Variants in HS6ST3 observed in about 807,000 individuals in gnomAD.
The protein encoded by HS6ST3 is heparan sulfate 6-O-sulfotransferase 3.
Under a neutral mutation model 36.7 loss-of-function variants are expected in HS6ST3, and 12 were observed. The ratio of observed to expected loss-of-function variants is 0.33; its 90% CI spans 0.21 to 0.53. The LOEUF is 0.53. Among genes scored for constraint, HS6ST3 ranks in the 20% least tolerant of loss-of-function variants. HS6ST3 has a pLI of 0.95. For missense variants in HS6ST3, 584 were observed against 640.9 expected, an observed-to-expected ratio of 0.91 and a Z score of 0.96; for synonymous variants, 240 against 257.5, an observed-to-expected ratio of 0.93 and a Z score of 0.65.
chr13:96,475,225 C>T (rs1223278285), intron 1 of HS6ST3, among the ~76,000 whole-genome samples: 1 of 152,130 alleles, frequency 6.6e-6, no homozygotes, highest in African/African-American at 2.4e-5. Flanking sequence ...TTCTACCTTT[C>T]TCGTTTTGGA....
intron 1 of HS6ST3, among the ~76,000 whole-genome samples, chr13:96,645,889 C>T (rs759343852): frequency 2.6e-4 from 40 of 151,794 alleles, no homozygotes; most frequent in Non-Finnish European, 4.4e-4. Flanking sequence ...GCATATTTTC[C>T]CTCTAGTTCT....
intron 1 of HS6ST3, among the ~76,000 whole-genome samples, chr13:96,589,447 T>G (rs912927376): frequency 6.6e-6 from 1 of 152,122 alleles, no homozygotes; most frequent in Non-Finnish European, 1.5e-5. Context: ...ACAGCTAAAC[T>G]TTTTATCTGT....
At chr13:96,094,743 G>A (rs553052612) in intron 1 of HS6ST3, among the ~76,000 whole-genome samples, 1 of 152,134 alleles carries the variant, frequency 6.6e-6, no homozygotes, top group Non-Finnish European at 1.5e-5. Context: ...GCAGGACCCC[G>A]GGCTGGTGGT....
At chr13:96,660,290 T>G (rs1321592427) in intron 1 of HS6ST3, among the ~76,000 whole-genome samples, 1 of 152,118 alleles carries the variant, frequency 6.6e-6, no homozygotes, top group African/African-American at 2.4e-5. Context: ...ATTTTAAAAA[T>G]AATACATACT....
At chr13:96,554,924 C>G (rs761019581) in intron 1 of HS6ST3, among the ~76,000 whole-genome samples, 1 of 151,732 alleles carries the variant, frequency 6.6e-6, no homozygotes, top group Non-Finnish European at 1.5e-5. Context: ...ACAAAACATA[C>G]AAAAAATTAA....
intron 1 of HS6ST3, among the ~76,000 whole-genome samples, chr13:96,435,875 A>G (rs944261627): frequency 3.9e-5 from 6 of 152,192 alleles, no homozygotes; most frequent in Admixed American, 1.3e-4. Context: ...CTTTCAAACA[A>G]TGAAATCTGT....
chr13:96,179,757 A>G (rs1387275921), intron 1 of HS6ST3, among the ~76,000 whole-genome samples: 1 of 152,010 alleles, frequency 6.6e-6, no homozygotes, highest in South Asian at 2.1e-4. Context: ...AGGAATAGCA[A>G]TCATTTATTA....
chr13:96,220,806 T>C (rs1209133857), intron 1 of HS6ST3, among the ~76,000 whole-genome samples: 1 of 152,182 alleles, frequency 6.6e-6, no homozygotes, highest in Non-Finnish European at 1.5e-5. Flanking sequence ...GACAATGTCA[T>C]GATTTTCTCA....
rs527429333 is a variant in HS6ST3 at position 96,319,589 on chromosome 13, G to A, written c.707+228020G>A. Reference sequence around the variant, plus strand: ...TGCAAGACTTTTCCCCAAAGTGGCTGCATCATTTTCCATTCCCATCAGCAG... The same window carrying A: ...TGCAAGACTTTTCCCCAAAGTGGCTACATCATTTTCCATTCCCATCAGCAG... On this transcript the variant is annotated intron_variant, in intron 1 of 1. Transcript: ENST00000376705. Among the ~76,000 whole-genome samples, 124 of 152,256 alleles carry A rather than the reference G, an allele frequency of 8.1e-4. 5 individuals carry two copies. In the South Asian group the frequency reaches 0.026, roughly 31 times the overall value.
chr13:96,322,310 C>T (rs1313248296), intron 1 of HS6ST3, among the ~76,000 whole-genome samples: 7 of 150,558 alleles, frequency 4.6e-5, no homozygotes, highest in Non-Finnish European at 8.8e-5. Flanking sequence ...TTTGAGAGGC[C>T]GAGGCGGGCG....
intron 1 of HS6ST3, among the ~76,000 whole-genome samples, chr13:96,728,617 A>T (rs1876063204): frequency 6.6e-6 from 1 of 152,230 alleles, no homozygotes; most frequent in South Asian, 2.1e-4. Flanking sequence ...AATATCAATG[A>T]TCTAGCATTC....
At chr13:96,724,018 G>A (rs1005640836) in intron 1 of HS6ST3, among the ~76,000 whole-genome samples, 1 of 151,514 alleles carries the variant, frequency 6.6e-6, no homozygotes, top group Non-Finnish European at 1.5e-5. Context: ...TTTACAAAAA[G>A]TTTTCTCTTT....
intron 1 of HS6ST3, among the ~76,000 whole-genome samples, chr13:96,302,884 G>A (rs2054890841): frequency 6.6e-6 from 1 of 152,126 alleles, no homozygotes; most frequent in Admixed American, 6.5e-5. Context: ...TAGAACAGGA[G>A]TTGGCATACC....
chr13:96,169,018 C>T (rs746497592), intron 1 of HS6ST3, among the ~76,000 whole-genome samples: 7 of 152,124 alleles, frequency 4.6e-5, no homozygotes, highest in Non-Finnish European at 7.4e-5. Context: ...CAGAGATAAC[C>T]AGGGCTGAAA....
chr13:96,567,826 C>T (rs564198345), intron 1 of HS6ST3, among the ~76,000 whole-genome samples: 2 of 152,292 alleles, frequency 1.3e-5, no homozygotes, highest in Non-Finnish European at 2.9e-5. Context: ...ATGAGCATTT[C>T]TTCCGAAGTA....
intron 1 of HS6ST3, among the ~76,000 whole-genome samples, chr13:96,410,380 A>T (rs1416226482): frequency 6.6e-6 from 1 of 152,218 alleles, no homozygotes; most frequent in South Asian, 2.1e-4. Flanking sequence ...TACAATTGAC[A>T]ACAAGCATGT....
At chr13:96,288,399 C>T (rs1170624209) in intron 1 of HS6ST3, among the ~76,000 whole-genome samples, 1 of 151,906 alleles carries the variant, frequency 6.6e-6, no homozygotes, top group Non-Finnish European at 1.5e-5. Context: ...CTAGATTACT[C>T]AAAATGTTAC....
Position 96,836,982 on chromosome 13 carries a change from T to G in HS6ST3, c.*3784T>G, listed in dbSNP as rs887270724. ...TACATTTAAGATAGTAGAGAGGAAG[T>G]GGAGGGAAGTTGCACATATTGCTTC... On this transcript the variant is annotated 3_prime_UTR_variant, in exon 2 of 2. Coordinates refer to ENST00000376705, the MANE Select transcript of HS6ST3 (RefSeq NM_153456.4). 2.0e-5 allele frequency: 3 copies of G among 152,052 alleles called. No individual in the cohort carries two copies. Among genetic ancestry groups the G allele is most frequent in the Admixed American group, 1.3e-4 (2 of 15,268 alleles). 9.4% of individuals were successfully genotyped at this position (152,052 alleles called of 1,614,324 possible). A position where few individuals can be genotyped will look rare whatever the true frequency, so the allele number is the denominator to read the frequency against.
intron 1 of HS6ST3, among the ~76,000 whole-genome samples, chr13:96,349,462 A>G (rs2055171655): frequency 6.6e-6 from 1 of 152,174 alleles, no homozygotes; most frequent in Admixed American, 6.5e-5. Context: ...GCTGCGTCAC[A>G]TTTTCAAAAA....
Sources: gnomAD v4.1 joint callset for allele counts (sites outside exome capture counted in the v4.1 genomes callset) on GRCh38, gnomAD v4.1.1 for gene constraint, MANE v1.5 for transcripts, NCBI Gene and HGNC (gene_info 2026-07-23, HGNC 2026-07-21) for gene names.